The following NLRP3 variants were observed in gnomAD, a reference collection of about 807,000 sequenced individuals.
NLRP3 encodes the protein NACHT, LRR and PYD domains-containing protein 3.
NLRP3 carries 48 observed loss-of-function variants against 91.3 expected under a neutral mutation model. The ratio of observed to expected loss-of-function variants is 0.53; its 90% confidence interval spans 0.42 to 0.67. NLRP3 has a LOEUF of 0.67. Among genes scored for constraint, NLRP3 ranks in the 30% least tolerant of loss-of-function variants. NLRP3 has a pLI of 0.00. For synonymous variants in NLRP3, 561 were observed against 507.9 expected (o/e 1.10, Z -1.41); for missense variants, 982 against 1,276.9 (o/e 0.77, Z 3.52).
chr1:247,428,900 T>C (rs1487020694), intron 4 of NLRP3, among the ~76,000 whole-genome samples: 1 of 151,500 alleles, frequency 6.6e-6, no homozygotes, highest in Non-Finnish European at 1.5e-5. Context: ...CTTTTTCTTT[T>C]TTTTTTTTTT....
chr1:247,445,615 G>C (rs1664536571), intron 9 of NLRP3, among the ~76,000 whole-genome samples: 3 of 152,278 alleles, frequency 2.0e-5, no homozygotes, highest in African/African-American at 4.8e-5. Context: ...ATACTACTGA[G>C]GTAGTCGTCT....
intron 5 of NLRP3, among the ~76,000 whole-genome samples, chr1:247,433,243 A>G (rs1572196046): frequency 1.3e-5 from 2 of 152,166 alleles, no homozygotes; most frequent in African/African-American, 4.8e-5. Flanking sequence ...AAAGAATCAG[A>G]GCTGCTTTTC....
chr1:247,419,152 A>G, intron 2 of NLRP3, 75 bp downstream of exon 2: 1 of 934,926 alleles, frequency 1.1e-6, no homozygotes, highest in African/African-American at 2.4e-5. Context: ...CTTTATATAT[A>G]TATATATATA....
chr1:247,436,237 T>C (rs1479614380), intron 7 of NLRP3, 97 bp downstream of exon 7: 6 of 1,224,210 alleles, frequency 4.9e-6, no homozygotes, highest in Admixed American at 1.9e-5. Context: ...CAGGCAGAGC[T>C]GAAGGTAGAG....
At chr1:247,447,461 G>A (rs1245016347) in intron 9 of NLRP3, among the ~76,000 whole-genome samples, 2 of 152,166 alleles carry the variant, frequency 1.3e-5, no homozygotes, top group Non-Finnish European at 2.9e-5. Context: ...GAATTGTTAA[G>A]GAAGACAAAC....
chr1:247,417,661 T>C (rs1662150925), intron 1 of NLRP3, among the ~76,000 whole-genome samples: 1 of 152,106 alleles, frequency 6.6e-6, no homozygotes, highest in African/African-American at 2.4e-5. Context: ...TTTGTATTTT[T>C]AGTAGAGACG....
intron 5 of NLRP3, among the ~76,000 whole-genome samples, chr1:247,430,379 C>T (rs1663222737): frequency 6.6e-6 from 1 of 152,080 alleles, no homozygotes; most frequent in Non-Finnish European, 1.5e-5. Flanking sequence ...GAAGAGTGGC[C>T]TAGTCTCCTC....
chr1:247,438,414 T>G (rs1055398023), intron 7 of NLRP3, among the ~76,000 whole-genome samples: 1 of 140,360 alleles, frequency 7.1e-6, no homozygotes, highest in African/African-American at 2.6e-5. Context: ...GTTGGAGTCT[T>G]ACTCTGTCAC....
rs1436213475 is a variant in NLRP3, at chr1:247,416,181, G to A, written c.-761G>A. 6.6e-6 allele frequency: 1 copy of A among 152,482 alleles called. No individual in the cohort carries two copies. The highest frequency in any genetic ancestry group is 3.1e-3 in the Middle Eastern group (1 of 318). 9.4% of individuals were successfully genotyped at this position (152,482 alleles called of 1,614,324 possible). A position where few individuals can be genotyped will look rare whatever the true frequency, so the allele number is the denominator to read the frequency against. On this transcript the variant is annotated 5_prime_UTR_variant, in exon 1 of 10. Coordinates refer to ENST00000336119, the MANE Select transcript of NLRP3 (RefSeq NM_001243133.2). ...GCATTTCCTCTCTAGCTGTTCCTGA[G>A]GCTGGCATCTGGGTAAGTCCAGCTC...
At position 247,430,958 on chromosome 1, in the gene NLRP3, G is replaced by A. The variant is rs1663274017; in HGVS notation, c.2321+1203G>A. Reference sequence around the variant, plus strand: ...ATTTTTGTATTTTTTTTGTAGAGATGTGGTCTCATCACGTTGCCCAGCCTG... The same window carrying A: ...ATTTTTGTATTTTTTTTGTAGAGATATGGTCTCATCACGTTGCCCAGCCTG... On this transcript the variant is annotated intron_variant, in intron 5 of 9. Coordinates refer to ENST00000336119, the MANE Select transcript of NLRP3 (RefSeq NM_001243133.2). Among the ~76,000 whole-genome samples, 2 of 151,574 alleles carry A rather than the reference G, an allele frequency of 1.3e-5. 1 individual carries two copies. The highest frequency in any genetic ancestry group is 4.2e-4 in the South Asian group (2 of 4,782).
chr1:247,418,578 A>G lies in NLRP3; in HGVS notation c.-223A>G. On this transcript the variant is annotated 5_prime_UTR_variant, in exon 2 of 10. Coordinates refer to ENST00000336119, the MANE Select transcript of NLRP3 (RefSeq NM_001243133.2). The stretch of plus-strand genomic sequence containing the variant: ...TGGCCTCTCAAAGTGCTGGGATTAC[A>G]GGCGTGAGCCACTGTGCCCGGCCTT... The G allele has an allele frequency of 1.8e-6, 1 of 558,408 alleles. No homozygotes were observed. The highest frequency in any genetic ancestry group is 3.2e-6 in the Non-Finnish European group (1 of 314,066). 34.6% of individuals were successfully genotyped at this position (558,408 alleles called of 1,614,324 possible). A position where few individuals can be genotyped will look rare whatever the true frequency, so the allele number is the denominator to read the frequency against.
In NLRP3 at chr1:247,429,636, T is replaced by A. The variant is rs1168982657; in HGVS notation, c.2202T>A (p.Val734=). 6.2e-7 allele frequency: 1 copy of A among 1,614,174 alleles called. No homozygotes were observed. Among genetic ancestry groups the A allele is most frequent in the East Asian group, 2.2e-5 (1 of 44,882 alleles). The stretch of plus-strand genomic sequence containing the variant: ...GTTTTTGCCGGGGCCTCTTTTCAGT[T>A]CTGAGCACCAGCCAGAGTCTAACTG... ...TSSFCRGLFS[V]LSTSQSLTEL... The change falls in exon 5 of 10, where the codon GTT becomes GTA. Residue 734 remains valine (V), a synonymous_variant. Coordinates refer to ENST00000336119, the MANE Select transcript of NLRP3 (RefSeq NM_001243133.2).
intron 4 of NLRP3, among the ~76,000 whole-genome samples, chr1:247,428,712 C>T (rs770714618): frequency 1.6e-4 from 24 of 152,050 alleles, no homozygotes; most frequent in Non-Finnish European, 3.5e-4. Flanking sequence ...CTCAGCTACT[C>T]GGGAGGCTGA....
chr1:247,437,392 C>G (rs911066892), intron 7 of NLRP3, among the ~76,000 whole-genome samples: 1 of 152,162 alleles, frequency 6.6e-6, no homozygotes, highest in Non-Finnish European at 1.5e-5. Flanking sequence ...AATTAACAAC[C>G]AACCTCTGTT....
Position 247,425,921 on chromosome 1 carries a change from G to C in NLRP3, c.2150+322G>C, listed in dbSNP as rs1440403781. 1.1e-5 allele frequency: 4 copies of C among 376,692 alleles called. No homozygotes were observed. Among genetic ancestry groups the C allele is most frequent in the Non-Finnish European group, 2.0e-5 (4 of 197,152 alleles). 23.3% of individuals were successfully genotyped at this position (376,692 alleles called of 1,614,324 possible). On this transcript the variant is annotated intron_variant, in intron 4 of 9. Coordinates refer to ENST00000336119, the MANE Select transcript of NLRP3 (RefSeq NM_001243133.2). The surrounding 1 kb of genome is among the most constrained non-coding windows in gnomAD (Gnocchi z 4.1). The stretch of plus-strand genomic sequence containing the variant: ...TTCTTGTAAGCTACTTGGAGCACTA[G>C]TGCCTAAGAGTCAGTCAATGTCTGT...
intron 2 of NLRP3, 88 bp downstream of exon 2, chr1:247,419,165 T>TTTTA: frequency 1.3e-6 from 1 of 758,944 alleles, no homozygotes; most frequent in Non-Finnish European, 1.7e-6. Flanking sequence ...TATATATATA[T>TTTTA]TTTTTTTTGA....
intron 2 of NLRP3, among the ~76,000 whole-genome samples, chr1:247,420,907 A>C (rs1662411295): frequency 6.6e-6 from 1 of 152,116 alleles, no homozygotes; most frequent in African/African-American, 2.4e-5. Context: ...CAGTGCCTAG[A>C]CCTGCCTCCA....
At chr1:247,428,716 A>G (rs1038964216) in intron 4 of NLRP3, among the ~76,000 whole-genome samples, 3 of 152,074 alleles carry the variant, frequency 2.0e-5, no homozygotes, top group Non-Finnish European at 4.4e-5. Context: ...GCTACTCGGG[A>G]GGCTGAGGCA....
chr1:247,423,783 G>A, intron 3 of NLRP3, 64 bp from the exon 4 acceptor site: 1 of 1,427,770 alleles, frequency 7.0e-7, no homozygotes, highest in Non-Finnish European at 9.8e-7. Context: ...ACAGGCCCCA[G>A]CTGAGAGCGC....
Sources: gnomAD v4.1 joint callset for allele counts (sites outside exome capture counted in the v4.1 genomes callset) on GRCh38, gnomAD v4.1.1 for gene constraint, Gnocchi (gnomAD v3.1) non-coding constraint, MANE v1.5 for transcripts, NCBI Gene and HGNC (gene_info 2026-07-23, HGNC 2026-07-21) for gene names.